Variants in SNX29 observed in about 807,000 individuals in gnomAD.
SNX29 encodes sorting nexin 29, also known as sorting nexin-29.
SNX29 carries 78 observed loss-of-function variants against 102.1 expected under a neutral mutation model. The ratio of observed to expected loss-of-function variants is 0.76; its 90% confidence interval spans 0.64 to 0.92. The LOEUF is 0.92. Among genes scored for constraint, SNX29 ranks in the 40% least tolerant of loss-of-function variants. The pLI is 0.00. For missense variants in SNX29, 1,280 were observed against 1,061.7 expected (o/e 1.21, Z -2.86); for synonymous variants, 580 against 414.5 (o/e 1.40, Z -4.85).
intron 18 of SNX29, among the ~76,000 whole-genome samples, chr16:12,466,886 A>T (rs572282218): frequency 1.3e-5 from 2 of 152,270 alleles, no homozygotes; most frequent in African/African-American, 4.8e-5. Flanking sequence ...AACAGAGGCC[A>T]TTTGCATCTT....
At chr16:12,254,656 A>G (rs1567361487) in intron 14 of SNX29, among the ~76,000 whole-genome samples, 1 of 151,954 alleles carries the variant, frequency 6.6e-6, no homozygotes, top group African/African-American at 2.4e-5. Flanking sequence ...AAAAAAAAAA[A>G]AGGTGAAGGA....
At chr16:12,255,253 T>G (rs543723179) in intron 14 of SNX29, among the ~76,000 whole-genome samples, 20 of 152,298 alleles carry the variant, frequency 1.3e-4, no homozygotes, top group African/African-American at 4.8e-4. Context: ...TGGAGCGCAA[T>G]GGCGTGATCT....
intron 20 of SNX29, among the ~76,000 whole-genome samples, chr16:12,542,905 G>A (rs2077407452): frequency 6.6e-6 from 1 of 152,066 alleles, no homozygotes; most frequent in Admixed American, 6.6e-5. Context: ...ATTTGAGTAG[G>A]GAATCTTTGC....
chr16:11,986,406 T>G (rs1596529974), intron 1 of SNX29, among the ~76,000 whole-genome samples: 1 of 145,522 alleles, frequency 6.9e-6, no homozygotes, highest in Non-Finnish European at 1.5e-5. Context: ...AAACCCAAAA[T>G]GACATTAAAA....
At chr16:12,346,437 A>G (rs1405047210) in intron 15 of SNX29, among the ~76,000 whole-genome samples, 1 of 152,172 alleles carries the variant, frequency 6.6e-6, no homozygotes. Flanking sequence ...GATTTTATGG[A>G]TGAGAAACTG....
rs2079135519 is a variant in SNX29 at position 12,569,319 on chromosome 16, G to A, written c.*690G>A. 1 of 229,622 alleles carries A rather than the reference G, an allele frequency of 4.4e-6. No individual in the cohort carries two copies. The allele number at this position is 229,622 out of a possible 1,614,324, so 14.2% of individuals were successfully genotyped here. A position where few individuals can be genotyped will look rare whatever the true frequency, so the allele number is the denominator to read the frequency against. On this transcript the variant is annotated 3_prime_UTR_variant, in exon 21 of 21. Transcript: ENST00000566228. ...ATGGCTGGCTTCAGGAAGGACCAGT[G>A]CCCTCCATAGCCTGAGGCCACCTAG... is the stretch of plus-strand genomic sequence containing the variant.
intron 18 of SNX29, among the ~76,000 whole-genome samples, chr16:12,436,109 G>A (rs1176447410): frequency 1.3e-5 from 2 of 152,208 alleles, no homozygotes; most frequent in African/African-American, 2.4e-5. Context: ...TGTTGGTGAT[G>A]CAGACGTAGC....
chr16:12,231,098 C>T (rs2077756421), intron 14 of SNX29, among the ~76,000 whole-genome samples: 1 of 152,124 alleles, frequency 6.6e-6, no homozygotes, highest in Non-Finnish European at 1.5e-5. Flanking sequence ...GGTGATCCTC[C>T]CACCTCGGCC....
intron 20 of SNX29, among the ~76,000 whole-genome samples, chr16:12,554,972 G>GGGGGGGGT (rs1457202578): frequency 1.5e-4 from 22 of 151,108 alleles, no homozygotes; most frequent in African/African-American, 5.4e-4. Context: ...TGGTGAGGGG[G>GGGGGGGGT]GTCAGTCAGC....
At chr16:12,547,295 C>G (rs1426856083) in intron 20 of SNX29, among the ~76,000 whole-genome samples, 1 of 152,160 alleles carries the variant, frequency 6.6e-6, no homozygotes, top group African/African-American at 2.4e-5. Flanking sequence ...GGAGAAACAG[C>G]AAGGAAGCCA....
intron 14 of SNX29, among the ~76,000 whole-genome samples, chr16:12,273,369 T>G (rs1431926948): frequency 6.6e-6 from 1 of 151,832 alleles, no homozygotes; most frequent in Non-Finnish European, 1.5e-5. Flanking sequence ...GTTGTTTGTT[T>G]GTTTTTGAGA....
In SNX29 at chr16:12,188,872, A is replaced by G. The variant is rs188505558; in HGVS notation, c.1596-10729A>G. On this transcript the variant is annotated intron_variant, in intron 13 of 20. Transcript: ENST00000566228. ...CTGGCAGCAGCCCTTGCCCTGTCTT[A>G]TTAGAGAAAACTGGAAGGAAAGGAA... Among the ~76,000 whole-genome samples, 510 of 152,310 alleles carry G rather than the reference A, an allele frequency of 3.3e-3. 3 individuals carry two copies. The highest frequency in any genetic ancestry group is 5.3e-3 in the Admixed American group (81 of 15,298).
intron 20 of SNX29, among the ~76,000 whole-genome samples, chr16:12,531,728 A>T (rs1420821338): frequency 6.6e-6 from 1 of 152,200 alleles, no homozygotes; most frequent in Non-Finnish European, 1.5e-5. Flanking sequence ...GCTTGGGAGC[A>T]GATGAGATGA....
chr16:12,188,588 T>G (rs1051320111), intron 13 of SNX29, among the ~76,000 whole-genome samples: 3 of 152,180 alleles, frequency 2.0e-5, no homozygotes, highest in Non-Finnish European at 4.4e-5. Context: ...GACGAGTTGT[T>G]TGGGCTGTTT....
chr16:12,314,883 G>C (rs1012698153), intron 15 of SNX29, among the ~76,000 whole-genome samples: 44 of 152,114 alleles, frequency 2.9e-4, no homozygotes, highest in African/African-American at 1.0e-3. Flanking sequence ...ATGTTATTCT[G>C]TCTCCTACCG....
intron 16 of SNX29, chr16:12,374,610 C>CT (rs1236663016): frequency 2.6e-5 from 4 of 152,188 alleles, no homozygotes; most frequent in Non-Finnish European, 4.4e-5. Flanking sequence ...GCTAGCCCGG[C>CT]TTTAACTCTT....
chr16:12,084,600 C>A (rs1195251499), intron 11 of SNX29, among the ~76,000 whole-genome samples: 1 of 152,132 alleles, frequency 6.6e-6, no homozygotes, highest in Non-Finnish European at 1.5e-5. Flanking sequence ...GCCCTCAGGG[C>A]CGGGAGGGCA....
At chr16:12,138,147 G>T (rs1386513878) in intron 13 of SNX29, among the ~76,000 whole-genome samples, 3 of 151,592 alleles carry the variant, frequency 2.0e-5, no homozygotes, top group Non-Finnish European at 4.4e-5. Flanking sequence ...TTGAGATGAG[G>T]TCCCCAGGCC....
chr16:12,156,265 C>T (rs1329244225), intron 13 of SNX29, among the ~76,000 whole-genome samples: 1 of 152,212 alleles, frequency 6.6e-6, no homozygotes, highest in Non-Finnish European at 1.5e-5. Flanking sequence ...CCTCTGCCTC[C>T]CAGATTCAAG....
Sources: allele counts gnomAD v4.1 joint callset (sites outside exome capture counted in the v4.1 genomes callset), GRCh38; gene constraint gnomAD v4.1.1; transcripts MANE v1.5; gene names NCBI Gene and HGNC (gene_info 2026-07-23, HGNC 2026-07-21).